IL1R1: variants seen among roughly 807,000 people sequenced by gnomAD.
IL1R1 encodes interleukin-1 receptor type 1.
IL1R1 carries 22 observed loss-of-function variants against 50.2 expected under a neutral mutation model. The observed-to-expected ratio is 0.44, with a 90% CI of 0.31 to 0.63. The LOEUF (loss-of-function observed/expected upper bound fraction) is 0.63, where lower values mean the gene tolerates loss of function less well. IL1R1 is among the 20% of genes least tolerant of loss of function. The probability of loss-of-function intolerance (pLI) is 0.07; values close to 1 mark genes in which losing one functional copy is unlikely to be tolerated. For synonymous variants in IL1R1, 251 were observed against 236.7 expected (o/e 1.06, Z -0.55); for missense variants, 509 against 676.2 (o/e 0.75, Z 2.74).
chr2:102,140,099 A>G (rs1221009868), upstream of IL1R1, among the ~76,000 whole-genome samples: 1 of 152,072 alleles, frequency 6.6e-6, no homozygotes, highest in Non-Finnish European at 1.5e-5. Flanking sequence ...ATTACCATAC[A>G]TTCTTCTGTA....
At chr2:102,116,892 G>A (rs528861374) in intron 1 of IL1R1, among the ~76,000 whole-genome samples, 10 of 152,232 alleles carry the variant, frequency 6.6e-5, no homozygotes, top group African/African-American at 2.4e-4. Context: ...TAACTTCTGA[G>A]TTCCACTTCT....
At chr2:102,175,770 AG>A in intron 11 of IL1R1, 125 bp downstream of exon 11, 1 of 822,530 alleles carries the variant, frequency 1.2e-6, no homozygotes, top group Non-Finnish European at 2.1e-6. Context: ...GAACCTCTTC[AG>A]AAGTGTATGA....
At chr2:102,123,777 TAATAA>T (rs57287555) in intron 1 of IL1R1, among the ~76,000 whole-genome samples, 81,238 of 148,300 alleles carry the variant, frequency 0.55, 22,824 homozygotes, top group East Asian at 0.61. Context: ...GACTGTGTCT[TAATAA>T]AATAAAATAA....
At chr2:102,098,959 A>G (rs987268348) in intron 1 of IL1R1, among the ~76,000 whole-genome samples, 4 of 152,198 alleles carry the variant, frequency 2.6e-5, no homozygotes, top group African/African-American at 9.6e-5. Flanking sequence ...AGTCAGATGC[A>G]TTTATTGGGT....
chr2:102,090,150 A>ATTT (rs985139200), intron 1 of IL1R1, among the ~76,000 whole-genome samples: 55 of 133,232 alleles, frequency 4.1e-4, no homozygotes, highest in South Asian at 1.7e-3. Flanking sequence ...TTTTTTTTCA[A>ATTT]TTTTTTTTTT....
At chr2:102,106,324 A>C (rs1164365910) in intron 1 of IL1R1, among the ~76,000 whole-genome samples, 1 of 152,124 alleles carries the variant, frequency 6.6e-6, no homozygotes, top group Non-Finnish European at 1.5e-5. Context: ...GAAAAGGAAG[A>C]AGACAAAGTT....
chr2:102,082,414 C>A (rs1360618889), intron 1 of IL1R1, among the ~76,000 whole-genome samples: 2 of 152,124 alleles, frequency 1.3e-5, no homozygotes, highest in Admixed American at 6.5e-5. Flanking sequence ...ATGTATAGTG[C>A]ATCTTGGAAT....
chr2:102,103,990 GAAAAAAAAAAAA>G (rs72041212), upstream of IL1R1, among the ~76,000 whole-genome samples: 3 of 83,976 alleles, frequency 3.6e-5, no homozygotes, highest in African/African-American at 1.4e-4. Flanking sequence ...GACTGTCTCA[GAAAAAAAAAAAA>G]AAAAAAAAAA....
chr2:102,103,290 G>T (rs1460759986), upstream of IL1R1, among the ~76,000 whole-genome samples: 2 of 152,110 alleles, frequency 1.3e-5, no homozygotes, highest in East Asian at 3.9e-4. Context: ...ATCACCCCAG[G>T]ATGCTTGAGT....
Position 102,148,577 on chromosome 2 carries a change from G to A in IL1R1, c.-83-5364G>A, listed in dbSNP as rs1367701381. ...TTTCTTTCTGCTTCATAATATAGCC[G>A]TGTTTGCTCTAATAGAAAAATAATA... is the stretch of plus-strand genomic sequence containing the variant. On this transcript the variant is annotated intron_variant, in intron 1 of 11. Coordinates refer to ENST00000410023, the MANE Select transcript of IL1R1 (RefSeq NM_000877.4). Among the ~76,000 whole-genome samples the A allele has an allele frequency of 3.9e-5, 6 of 152,102 alleles. No individual in the cohort carries two copies. The East Asian group carries it at 5.8e-4, about 15-fold the overall frequency.
intron 1 of IL1R1, among the ~76,000 whole-genome samples, chr2:102,135,620 G>T (rs564590933): frequency 8.3e-4 from 127 of 152,314 alleles, no homozygotes; most frequent in African/African-American, 2.9e-3. Context: ...AAGAGGAAGA[G>T]TGTGAAGAAG....
intron 1 of IL1R1, among the ~76,000 whole-genome samples, chr2:102,129,256 TACAACAACAACAACAACAACA>T (rs71866133): frequency 1.1e-3 from 171 of 149,524 alleles, no homozygotes; most frequent in African/African-American, 4.0e-3. Context: ...CCCAAAAACC[TACAACAACAACAACAACAACA>T]ACAACAACAA....
intron 1 of IL1R1, among the ~76,000 whole-genome samples, chr2:102,143,283 C>T (rs536691905): frequency 1.8e-4 from 27 of 152,272 alleles, no homozygotes; most frequent in African/African-American, 6.5e-4. Flanking sequence ...AGGTGTGTGA[C>T]TTCCCGTGTG....
intron 1 of IL1R1, among the ~76,000 whole-genome samples, chr2:102,128,896 T>C (rs1376791837): frequency 6.6e-6 from 1 of 152,150 alleles, no homozygotes; most frequent in Admixed American, 6.6e-5. Flanking sequence ...AGGATGTCTG[T>C]TGCTGTCTAC....
intron 1 of IL1R1, among the ~76,000 whole-genome samples, chr2:102,116,028 T>G (rs150946191): frequency 0.019 from 2,918 of 152,304 alleles, 32 homozygotes; most frequent in Non-Finnish European, 0.026. Context: ...ATGGCGAATC[T>G]GGATTATTTA....
intron 1 of IL1R1, among the ~76,000 whole-genome samples, chr2:102,151,121 T>C (rs1271905248): frequency 6.6e-6 from 1 of 152,220 alleles, no homozygotes; most frequent in Non-Finnish European, 1.5e-5. Flanking sequence ...CTTTACCTAG[T>C]ATGCCTTCTG....
chr2:102,129,830 A>G (rs1470293927), intron 1 of IL1R1, among the ~76,000 whole-genome samples: 1 of 152,214 alleles, frequency 6.6e-6, no homozygotes, highest in Non-Finnish European at 1.5e-5. Flanking sequence ...TCGTACTCTT[A>G]AAAACTCTCA....
In IL1R1 at chr2:102,114,729, A is replaced by G. The variant is rs75554982; in HGVS notation, c.-84+9857A>G. 0.012 allele frequency among the ~76,000 whole-genome samples: 1,791 copies of G among 152,234 alleles called. 77 individuals are homozygous for G. The East Asian group carries it at 0.14, about 12-fold the overall frequency. On this transcript the variant is annotated intron_variant, in intron 1 of 10. Transcript: ENST00000409329. ...CTAAGCTTCTTTTTTTCTCCAGTTG[A>G]AATTTATTTTAAGTTGGTAAGGAAA...
intron 1 of IL1R1, among the ~76,000 whole-genome samples, chr2:102,122,325 C>A (rs10172039): frequency 0.18 from 27,948 of 152,022 alleles, 2,699 homozygotes; most frequent in South Asian, 0.21. Context: ...GGAGAGACTG[C>A]ATTTCTGAGT....
Sources: allele counts gnomAD v4.1 joint callset (sites outside exome capture counted in the v4.1 genomes callset), GRCh38; gene constraint gnomAD v4.1.1; transcripts MANE v1.5; gene names NCBI Gene and HGNC (gene_info 2026-07-23, HGNC 2026-07-21).